Variants in ZSCAN5C observed in about 807,000 individuals in gnomAD.
The protein encoded by ZSCAN5C is zinc finger and SCAN domain-containing protein 5C.
In ZSCAN5C, 11 loss-of-function variants were observed where a neutral mutation model predicts 17.3. That is an observed-to-expected ratio of 0.64 (90% CI 0.40 to 1.06). The LOEUF is 1.06. ZSCAN5C is among the 50% of genes least tolerant of loss of function. ZSCAN5C has a pLI of 0.00. For synonymous variants in ZSCAN5C, 229 were observed against 208.4 expected (o/e 1.10, Z -0.85); for missense variants, 698 against 538.9 (o/e 1.30, Z -2.92).
At chr19:56,208,308 A>G in intron 4 of ZSCAN5C, 124 bp downstream of exon 4, 1 of 692,748 alleles carries the variant, frequency 1.4e-6, no homozygotes, top group Non-Finnish European at 2.5e-6. Context: ...TCCATCCCTT[A>G]CTCTCCAGAG....
intron 2 of ZSCAN5C, 125 bp from the exon 3 acceptor site, chr19:56,206,934 G>C (rs2032927815): frequency 5.0e-6 from 3 of 604,582 alleles, no homozygotes; most frequent in Non-Finnish European, 8.9e-6. Context: ...AGCTGATTCT[G>C]CATCGGGAAG....
chr19:56,205,722 G>C (rs1168818462), intron 1 of ZSCAN5C, 65 bp from the exon 2 acceptor site: 3 of 562,830 alleles, frequency 5.3e-6, no homozygotes, highest in Admixed American at 3.1e-5. Context: ...TGGGATGAGG[G>C]ATTTGGAAGG....
Position 56,205,778 on chromosome 19 carries a change from TCCCTGCAGA to T in ZSCAN5C, c.-127-7_-126del. The T allele has an allele frequency of 1.7e-6, 1 of 585,940 alleles. No individual in the cohort carries two copies. The highest frequency in any genetic ancestry group is 1.9e-5 in the African/African-American group (1 of 53,354). 36.3% of individuals were successfully genotyped at this position (585,940 alleles called of 1,614,324 possible). A position where few individuals can be genotyped will look rare whatever the true frequency, so the allele number is the denominator to read the frequency against. ...ACTTTAACAGAGCTCATGCTTTTTT[TCCCTGCAGA>T]CTTCTGAATGAACAGTGAATCTATT... On this transcript the variant is annotated splice_acceptor_variant and splice_polypyrimidine_tract_variant and 5_prime_UTR_variant and intron_variant, in exon 2 of 5. Transcript: ENST00000534327. LOFTEE classifies it low-confidence loss of function (5UTR_SPLICE).
At chr19:56,203,640 A>ATTT (rs564406569) in intron 1 of ZSCAN5C, among the ~76,000 whole-genome samples, 322 of 86,690 alleles carry the variant, frequency 3.7e-3, no homozygotes, top group African/African-American at 8.1e-3. Flanking sequence ...TCTACTGGGA[A>ATTT]TTTTTTTTTT....
At chr19:56,207,539 G>A (rs2146340425) in intron 3 of ZSCAN5C, among the ~76,000 whole-genome samples, 1 of 151,820 alleles carries the variant, frequency 6.6e-6, no homozygotes, top group South Asian at 2.1e-4. Flanking sequence ...TGAATGAACT[G>A]AAGGTCCCAT....
intron 1 of ZSCAN5C, among the ~76,000 whole-genome samples, chr19:56,203,003 T>C (rs924281802): frequency 6.6e-6 from 1 of 152,068 alleles, no homozygotes; most frequent in African/African-American, 2.4e-5. Flanking sequence ...ACTCCCAGAA[T>C]TGAATACTAA....
At chr19:56,208,177 C>G (rs753867680) in exon 4 of ZSCAN5C, 1 of 779,278 alleles carries the variant, frequency 1.3e-6, no homozygotes, top group Non-Finnish European at 2.4e-6. Flanking sequence ...AGCTTCCAAA[C>G]AGTCCCAGTA....
chr19:56,205,980 C>T (rs768313537), exon 2 of ZSCAN5C: 2 of 1,568,534 alleles, frequency 1.3e-6, no homozygotes, highest in South Asian at 2.2e-5. Flanking sequence ...GTCAGAGCCA[C>T]CACAGTCCAT....
At position 56,208,483 on chromosome 19, in the gene ZSCAN5C, C is replaced by CA. The variant is rs1180932932; in HGVS notation, c.774_775insA (p.Gln259ThrfsTer12). On this transcript the variant is annotated frameshift_variant, in exon 5 of 5. Transcript: ENST00000534327. LOFTEE classifies it low-confidence loss of function (END_TRUNC). ...TGGGAGCAAAGGAGGGGAAGGAACC[C>CA]CAAAAAAGAGCCTCTGTGGAAAATG... 9 of 1,500,634 alleles carry CA rather than the reference C, an allele frequency of 6.0e-6. No individual in the cohort carries two copies. The highest frequency in any genetic ancestry group is 1.7e-5 in the Admixed American group (1 of 59,096). 93.0% of individuals were successfully genotyped at this position (1,500,634 alleles called of 1,614,324 possible).
intron 1 of ZSCAN5C, among the ~76,000 whole-genome samples, chr19:56,202,731 T>G (rs2032884601): frequency 6.6e-6 from 1 of 151,970 alleles, no homozygotes; most frequent in African/African-American, 2.4e-5. Flanking sequence ...ATGTTTAATT[T>G]TTTTTGTACA....
chr19:56,206,378 C>G lies in ZSCAN5C; in HGVS notation c.384+81C>G, dbSNP rs988140439. ...TGGTGCAGCTGGACTCGAGAGGACCCGAGGGGCTGCTCTAGGTCAGGGCTT... is the reference window on the plus strand; with the variant it reads ...TGGTGCAGCTGGACTCGAGAGGACCGGAGGGGCTGCTCTAGGTCAGGGCTT... On this transcript the variant is annotated intron_variant, in intron 2 of 4. Transcript: ENST00000534327. 30 of 1,433,514 alleles carry G rather than the reference C, an allele frequency of 2.1e-5. No homozygotes were observed. In the South Asian group the frequency reaches 4.1e-4, roughly 20 times the overall value. 88.8% of individuals were successfully genotyped at this position (1,433,514 alleles called of 1,614,324 possible).
chr19:56,209,334 G>A, downstream of ZSCAN5C: 1 of 505,050 alleles, frequency 2.0e-6, no homozygotes, highest in Non-Finnish European at 3.5e-6. Context: ...TTCCTAGGAT[G>A]TTTGTTTAAA....
At chr19:56,206,884 T>C (rs977493456) in intron 2 of ZSCAN5C, among the ~76,000 whole-genome samples, 175 bp from the exon 3 acceptor site, 17 of 151,920 alleles carry the variant, frequency 1.1e-4, no homozygotes, top group Admixed American at 9.2e-4. Context: ...AAAGGACTCA[T>C]ATTTATATAC....
At chr19:56,203,268 T>C (rs1376069423) in intron 1 of ZSCAN5C, among the ~76,000 whole-genome samples, 1 of 150,636 alleles carries the variant, frequency 6.6e-6, no homozygotes, top group African/African-American at 2.5e-5. Flanking sequence ...TTCTCTCTCA[T>C]ATCCATATGC....
intron 1 of ZSCAN5C, among the ~76,000 whole-genome samples, chr19:56,203,007 A>G (rs937013326): frequency 1.3e-5 from 2 of 152,022 alleles, no homozygotes; most frequent in Non-Finnish European, 1.5e-5. Context: ...CCAGAATTGA[A>G]TACTAACCCG....
intron 3 of ZSCAN5C, 78 bp from the exon 4 acceptor site, chr19:56,207,956 A>G: frequency 3.1e-6 from 2 of 652,184 alleles, no homozygotes; most frequent in Non-Finnish European, 5.5e-6. Context: ...GAGTTGGTGC[A>G]TCCAGTCAGG....
Position 56,206,306 on chromosome 19 carries a change from G to A in ZSCAN5C, c.384+9G>A, listed in dbSNP as rs2032920888. 10 of 1,506,418 alleles carry A rather than the reference G, an allele frequency of 6.6e-6. No homozygotes were observed. The highest frequency in any genetic ancestry group is 2.0e-5 in the Admixed American group (1 of 49,596). The allele number at this position is 1,506,418 out of a possible 1,614,324, so 93.3% of individuals were successfully genotyped here. A position where few individuals can be genotyped will look rare whatever the true frequency, so the allele number is the denominator to read the frequency against. On this transcript the variant is annotated intron_variant, in intron 2 of 4. Coordinates refer to ENST00000534327, the Ensembl canonical transcript of ZSCAN5C. Reference sequence around the variant, plus strand: ...GAAGACCCAAGAAATGGGTGAGTGGGACCCTCGTGATTGGTGCAGGGAAGG... The same window carrying A: ...GAAGACCCAAGAAATGGGTGAGTGGAACCCTCGTGATTGGTGCAGGGAAGG...
chr19:56,204,732 G>A (rs1016978701), intron 1 of ZSCAN5C, among the ~76,000 whole-genome samples: 6 of 151,774 alleles, frequency 4.0e-5, no homozygotes, highest in Admixed American at 6.5e-5. Context: ...TGGGGCACTC[G>A]CCCTCCAGGC....
chr19:56,208,614 C>A (rs750065547), exon 5 of ZSCAN5C: 15 of 1,606,470 alleles, frequency 9.3e-6, no homozygotes, highest in Non-Finnish European at 1.3e-5. Context: ...AGAAGCAAAC[C>A]AGACGCCACC....
Sources: allele counts gnomAD v4.1 joint callset (sites outside exome capture counted in the v4.1 genomes callset), GRCh38; gene constraint gnomAD v4.1.1; transcripts MANE v1.5; gene names NCBI Gene and HGNC (gene_info 2026-07-23, HGNC 2026-07-21).